The following ITGB5 variants were observed in gnomAD, a reference collection of about 807,000 sequenced individuals.
The protein encoded by ITGB5 is integrin subunit beta 5.
In ITGB5, 38 loss-of-function variants were observed where a neutral mutation model predicts 84.8. That is an observed-to-expected ratio of 0.45 (90% confidence interval 0.35 to 0.59). ITGB5 has a LOEUF of 0.59. ITGB5 is among the 20% of genes least tolerant of loss of function. The pLI is 0.01. For synonymous variants in ITGB5, 393 were observed against 414.4 expected, an observed-to-expected ratio of 0.95 and a Z score of 0.63; for missense variants, 905 against 1,034.5, an observed-to-expected ratio of 0.87 and a Z score of 1.72.
chr3:124,860,589 T>C (rs1239959938), intron 2 of ITGB5, among the ~76,000 whole-genome samples: 1 of 152,254 alleles, frequency 6.6e-6, no homozygotes, highest in East Asian at 1.9e-4. Context: ...TTATAAATCA[T>C]GAAGCCTCCC....
intron 5 of ITGB5, among the ~76,000 whole-genome samples, chr3:124,830,322 G>A (rs1280394910): frequency 6.6e-6 from 1 of 152,168 alleles, no homozygotes; most frequent in African/African-American, 2.4e-5. Context: ...ATGGTAAGGT[G>A]GCTCCATGGG....
At chr3:124,851,754 G>T (rs2065159615) in intron 3 of ITGB5, among the ~76,000 whole-genome samples, 1 of 152,172 alleles carries the variant, frequency 6.6e-6, no homozygotes, top group African/African-American at 2.4e-5. Context: ...TGTTCAGAAT[G>T]AGGGTTTATT....
At chr3:124,838,822 C>T (rs1272008) in intron 5 of ITGB5, among the ~76,000 whole-genome samples, 2 of 152,140 alleles carry the variant, frequency 1.3e-5, no homozygotes, top group African/African-American at 2.4e-5. Context: ...AGGATGGTCT[C>T]GATCTCCTGA....
chr3:124,883,926 G>T (rs1246797576), intron 1 of ITGB5, among the ~76,000 whole-genome samples: 1 of 152,096 alleles, frequency 6.6e-6, no homozygotes, highest in Non-Finnish European at 1.5e-5. Flanking sequence ...ACGGGAGGGG[G>T]TTGTCAGCCG....
At chr3:124,828,495 G>A (rs913985919) in intron 5 of ITGB5, among the ~76,000 whole-genome samples, 29 of 152,194 alleles carry the variant, frequency 1.9e-4, no homozygotes, top group Non-Finnish European at 8.8e-5. Flanking sequence ...CAAATTCATT[G>A]CCTGGGGTAA....
At position 124,777,183 on chromosome 3, in the gene ITGB5, G is replaced by A. The variant is rs1463883309; in HGVS notation, c.1694-3271C>T. Among the ~76,000 whole-genome samples, 13 of 152,294 alleles carry A rather than the reference G, an allele frequency of 8.5e-5. No individual in the cohort carries two copies. The South Asian group carries it at 1.2e-3, about 15-fold the overall frequency. ...TGGTGGCTCACCAGAGGTCACCACC[G>A]TTCCTTGGAGAGGGACAAGACCCAA... On this transcript the variant is annotated intron_variant, in intron 10 of 14. Coordinates refer to ENST00000296181, the MANE Select transcript of ITGB5 (RefSeq NM_002213.5).
intron 9 of ITGB5, among the ~76,000 whole-genome samples, chr3:124,798,055 C>CTTT (rs60292129): frequency 6.8e-5 from 7 of 103,656 alleles, no homozygotes; most frequent in Admixed American, 1.2e-4. Flanking sequence ...TAGAATAAAG[C>CTTT]TTTTTTTTTT....
At chr3:124,794,602 G>A (rs2064193757) in intron 10 of ITGB5, among the ~76,000 whole-genome samples, 1 of 151,806 alleles carries the variant, frequency 6.6e-6, no homozygotes, top group Admixed American at 6.6e-5. Context: ...CCAACATGGG[G>A]AAACCCCATA....
At chr3:124,890,988 C>A (rs377133550), upstream of ITGB5, among the ~76,000 whole-genome samples, 41 of 152,204 alleles carry the variant, frequency 2.7e-4, no homozygotes, top group African/African-American at 9.9e-4. Context: ...ACTCCCCCCC[C>A]AGCCACTGGA....
chr3:124,862,191 C>G (rs2065313216), intron 2 of ITGB5: 1 of 152,238 alleles, frequency 6.6e-6, no homozygotes, highest in South Asian at 2.1e-4. Context: ...TGGCCCAGTT[C>G]TGTTTGTCAA....
At chr3:124,789,004 G>A in intron 10 of ITGB5, among the ~76,000 whole-genome samples, 1 of 152,082 alleles carries the variant, frequency 6.6e-6, no homozygotes, top group East Asian at 1.9e-4. Context: ...GACCAGCCTG[G>A]GAAACATAGG....
chr3:124,872,257 G>A (rs1934093111), intron 2 of ITGB5, among the ~76,000 whole-genome samples: 1 of 152,172 alleles, frequency 6.6e-6, no homozygotes, highest in Admixed American at 6.5e-5. Flanking sequence ...TAGTCTGGAG[G>A]GAAAAGCTTG....
At chr3:124,774,458 G>A (rs533880510) in intron 10 of ITGB5, among the ~76,000 whole-genome samples, 77 of 152,248 alleles carry the variant, frequency 5.1e-4, no homozygotes, top group African/African-American at 1.8e-3. Context: ...CTGCTCTGAA[G>A]ATGGGGAGGA....
chr3:124,869,112 T>C (rs1002079978), intron 2 of ITGB5, among the ~76,000 whole-genome samples: 1 of 152,200 alleles, frequency 6.6e-6, no homozygotes, highest in African/African-American at 2.4e-5. Context: ...ACCATGGGAT[T>C]CATCCTCATA....
At position 124,819,853 on chromosome 3, in the gene ITGB5, T is replaced by C; in HGVS notation, c.943-19A>G. On this transcript the variant is annotated intron_variant, in intron 6 of 14. Coordinates refer to ENST00000296181, the MANE Select transcript of ITGB5 (RefSeq NM_002213.5). The stretch of plus-strand genomic sequence containing the variant: ...GATAGTCCTAGGGCCAAGGCAAAAG[T>C]CAAGGCTATGACATTCCTAACAGGT... The C allele has an allele frequency of 6.4e-7, 1 of 1,561,522 alleles. No individual in the cohort carries two copies.
At chr3:124,898,428 C>T (rs1909584) in intron 1 of ITGB5, among the ~76,000 whole-genome samples, 4 of 150,516 alleles carry the variant, frequency 2.7e-5, no homozygotes, top group Admixed American at 6.6e-5. Context: ...CGGATCACGA[C>T]GTCAGGAGAT....
At chr3:124,810,249 A>C (rs2064476775) in intron 8 of ITGB5, among the ~76,000 whole-genome samples, 1 of 152,240 alleles carries the variant, frequency 6.6e-6, no homozygotes, top group Non-Finnish European at 1.5e-5. Context: ...GCAGAGACAA[A>C]GGCATATATA....
At chr3:124,824,522 CT>C (rs35685094) in intron 5 of ITGB5, among the ~76,000 whole-genome samples, 39,137 of 151,998 alleles carry the variant, frequency 0.26, 5,559 homozygotes, top group African/African-American at 0.35. Flanking sequence ...AGTTGATGAA[CT>C]GGGCTTCATC....
At chr3:124,818,963 C>T (rs1450241264) in intron 7 of ITGB5, among the ~76,000 whole-genome samples, 2 of 152,098 alleles carry the variant, frequency 1.3e-5, no homozygotes, top group Non-Finnish European at 2.9e-5. Flanking sequence ...TGCTTCATCA[C>T]GTAAAAGAAT....
Sources: allele counts gnomAD v4.1 joint callset (sites outside exome capture counted in the v4.1 genomes callset), GRCh38; gene constraint gnomAD v4.1.1; transcripts MANE v1.5; gene names NCBI Gene and HGNC (gene_info 2026-07-23, HGNC 2026-07-21).